The following SEMA6D variants were observed in gnomAD, a reference collection of about 807,000 sequenced individuals.
The protein encoded by SEMA6D is semaphorin-6D.
A neutral mutation model predicts 106.6 loss-of-function variants in SEMA6D; 35 were observed. That is an observed-to-expected ratio of 0.33 (90% CI 0.25 to 0.44). SEMA6D has a LOEUF of 0.44. Among genes scored for constraint, SEMA6D ranks in the 20% least tolerant of loss-of-function variants. The pLI is 1.00. For synonymous variants in SEMA6D, 499 were observed against 487.7 expected, an observed-to-expected ratio of 1.02 and a Z score of -0.31; for missense variants, 1,185 against 1,345.9, an observed-to-expected ratio of 0.88 and a Z score of 1.87.
intron 1 of SEMA6D, among the ~76,000 whole-genome samples, chr15:47,375,718 TA>T (rs1443699422): frequency 6.6e-6 from 1 of 152,228 alleles, no homozygotes; most frequent in African/African-American, 2.4e-5. Context: ...AGAAGTCTGT[TA>T]AAAATTAAAT....
At chr15:47,709,564 A>G (rs1305153847) in intron 4 of SEMA6D, among the ~76,000 whole-genome samples, 2 of 152,206 alleles carry the variant, frequency 1.3e-5, no homozygotes, top group Non-Finnish European at 2.9e-5. Context: ...TGCAAGAATG[A>G]ATGAGTGAAT....
chr15:47,316,178 C>T (rs1255408649), intron 1 of SEMA6D, among the ~76,000 whole-genome samples: 1 of 139,650 alleles, frequency 7.2e-6, no homozygotes, highest in Non-Finnish European at 1.5e-5. Context: ...CTGCAACCTC[C>T]ACCTCCTGGG....
At chr15:47,729,057 A>C (rs564761463) in intron 1 of SEMA6D, among the ~76,000 whole-genome samples, 56 of 152,340 alleles carry the variant, frequency 3.7e-4, no homozygotes, top group African/African-American at 1.2e-3. Flanking sequence ...TCCCACAGTG[A>C]AGTACCTTGC....
At chr15:47,529,941 C>T (rs1184654488) in intron 3 of SEMA6D, among the ~76,000 whole-genome samples, 1 of 152,166 alleles carries the variant, frequency 6.6e-6, no homozygotes, top group Admixed American at 6.6e-5. Context: ...CATGTTCATT[C>T]TTTGGGTAAT....
At chr15:47,186,619 A>T (rs1187057576) in intron 1 of SEMA6D, among the ~76,000 whole-genome samples, 1 of 151,854 alleles carries the variant, frequency 6.6e-6, no homozygotes, top group Non-Finnish European at 1.5e-5. Flanking sequence ...GCATTGGATT[A>T]TCTTTTCAAT....
intron 1 of SEMA6D, among the ~76,000 whole-genome samples, chr15:47,306,887 A>G (rs141237144): frequency 1.0e-3 from 155 of 152,342 alleles, no homozygotes; most frequent in African/African-American, 3.4e-3. Flanking sequence ...AGGTATGTGT[A>G]TCTTCATTTT....
At chr15:47,275,494 T>G (rs969226796) in intron 1 of SEMA6D, among the ~76,000 whole-genome samples, 1 of 152,124 alleles carries the variant, frequency 6.6e-6, no homozygotes, top group Non-Finnish European at 1.5e-5. Context: ...TCACAATGTT[T>G]TATTCTTTTT....
chr15:47,476,695 C>T (rs1252220667), intron 3 of SEMA6D, among the ~76,000 whole-genome samples: 1 of 152,104 alleles, frequency 6.6e-6, no homozygotes, highest in Non-Finnish European at 1.5e-5. Flanking sequence ...CCAGGCATAC[C>T]GTCTGATTTA....
intron 3 of SEMA6D, among the ~76,000 whole-genome samples, chr15:47,588,946 A>G (rs1402536811): frequency 6.6e-6 from 1 of 152,194 alleles, no homozygotes; most frequent in East Asian, 1.9e-4. Flanking sequence ...CTGCATACTA[A>G]TGGCATCTAA....
chr15:47,640,272 G>T (rs909274986), intron 4 of SEMA6D, among the ~76,000 whole-genome samples: 1 of 152,146 alleles, frequency 6.6e-6, no homozygotes. Flanking sequence ...ACGAGTCCTC[G>T]CACCATCTGC....
intron 1 of SEMA6D, among the ~76,000 whole-genome samples, chr15:47,262,552 T>C (rs1049885226): frequency 6.6e-6 from 1 of 151,924 alleles, no homozygotes; most frequent in Non-Finnish European, 1.5e-5. Context: ...ATGGGGGAAA[T>C]GGCCCTCATG....
chr15:47,496,407 G>A lies in SEMA6D; in HGVS notation c.-87+25862G>A, dbSNP rs142285497. 2.6e-3 allele frequency among the ~76,000 whole-genome samples: 400 copies of A among 152,070 alleles called. 2 individuals carry two copies. The highest frequency in any genetic ancestry group is 4.7e-3 in the Non-Finnish European group (319 of 67,936). Reference sequence around the variant, plus strand: ...TCAAGATCCACCAACACTTTCCCGTGTCCTCAGTGACTTCAGAACCTAATG... The same window carrying A: ...TCAAGATCCACCAACACTTTCCCGTATCCTCAGTGACTTCAGAACCTAATG... On this transcript the variant is annotated intron_variant, in intron 3 of 19. Coordinates refer to the SEMA6D transcript ENST00000558014.
rs575816439 is a variant in SEMA6D, at chr15:47,273,756, C to G, written c.-239+89338C>G. The stretch of plus-strand genomic sequence containing the variant: ...GGAAAGCTAATTGAATAGCAGAATT[C>G]TTTGAGTGAAGCAGCTCTTTCAGTT... On this transcript the variant is annotated intron_variant, in intron 1 of 19. Coordinates refer to the SEMA6D transcript ENST00000558014. Among the ~76,000 whole-genome samples, 4 of 152,294 alleles carry G rather than the reference C, an allele frequency of 2.6e-5. No individual in the cohort carries two copies. In the East Asian group the frequency reaches 7.7e-4, roughly 29 times the overall value.
intron 4 of SEMA6D, among the ~76,000 whole-genome samples, chr15:47,710,087 A>G (rs1451860993): frequency 6.6e-6 from 1 of 152,238 alleles, no homozygotes; most frequent in African/African-American, 2.4e-5. Context: ...CCTAACCAAA[A>G]GATCTAAACA....
chr15:47,205,101 T>C (rs191363496), intron 1 of SEMA6D, among the ~76,000 whole-genome samples: 1 of 152,174 alleles, frequency 6.6e-6, no homozygotes, highest in African/African-American at 2.4e-5. Context: ...TTGCAAAACT[T>C]TCTGCCTCTG....
At chr15:47,466,104 A>G (rs2042650151) in intron 2 of SEMA6D, among the ~76,000 whole-genome samples, 1 of 152,208 alleles carries the variant, frequency 6.6e-6, no homozygotes, top group African/African-American at 2.4e-5. Flanking sequence ...TGAAATAATT[A>G]CAATCAAGCA....
At chr15:47,450,929 AC>A (rs1450418365) in intron 2 of SEMA6D, among the ~76,000 whole-genome samples, 1 of 152,106 alleles carries the variant, frequency 6.6e-6, no homozygotes, top group African/African-American at 2.4e-5. Context: ...TGCCTTCCCC[AC>A]AAGCTTTGCC....
intron 1 of SEMA6D, among the ~76,000 whole-genome samples, chr15:47,213,812 C>T (rs1039917670): frequency 4.1e-4 from 62 of 152,014 alleles, no homozygotes; most frequent in Non-Finnish European, 2.2e-4. Flanking sequence ...GTGCTGTGAT[C>T]ATTTCTGAGG....
chr15:47,516,446 G>A (rs1270843643), intron 3 of SEMA6D, among the ~76,000 whole-genome samples: 1 of 152,158 alleles, frequency 6.6e-6, no homozygotes, highest in Non-Finnish European at 1.5e-5. Flanking sequence ...TGATGATCTA[G>A]TTTTGAATTT....
Sources: gnomAD v4.1 joint callset for allele counts (sites outside exome capture counted in the v4.1 genomes callset) on GRCh38, gnomAD v4.1.1 for gene constraint, MANE v1.5 for transcripts, NCBI Gene and HGNC (gene_info 2026-07-23, HGNC 2026-07-21) for gene names.